The following GAB1 variants were observed in gnomAD, a reference collection of about 807,000 sequenced individuals.
The protein encoded by GAB1 is GRB2 associated binding protein 1, also known as GRB2-associated-binding protein 1.
A neutral mutation model predicts 66.5 loss-of-function variants in GAB1; 19 were observed. The ratio of observed to expected loss-of-function variants is 0.29; its 90% CI spans 0.20 to 0.42. The LOEUF is 0.42. Ranked by LOEUF, GAB1 falls within the 10% of genes least tolerant of loss-of-function variation. GAB1 has a pLI of 1.00. For missense variants in GAB1, 732 were observed against 858.5 expected (o/e 0.85, Z 1.84); for synonymous variants, 294 against 301.4 (o/e 0.98, Z 0.25).
chr4:143,453,668 C>G (rs1342836211), intron 6 of GAB1, among the ~76,000 whole-genome samples: 5 of 152,064 alleles, frequency 3.3e-5, no homozygotes, highest in Non-Finnish European at 5.9e-5. Flanking sequence ...ACAAAAGCAA[C>G]GCAATACAAA....
At chr4:143,424,003 A>G (rs1733193834) in intron 2 of GAB1, among the ~76,000 whole-genome samples, 1 of 151,630 alleles carries the variant, frequency 6.6e-6, no homozygotes, top group Admixed American at 6.6e-5. Flanking sequence ...AGATGGTCCT[A>G]TTGTGTTAAT....
chr4:143,428,116 G>A (rs1733460293), intron 2 of GAB1, among the ~76,000 whole-genome samples: 2 of 152,140 alleles, frequency 1.3e-5, no homozygotes, highest in South Asian at 4.1e-4. Flanking sequence ...ATGGATATTG[G>A]TATAACCTTT....
intron 1 of GAB1, among the ~76,000 whole-genome samples, chr4:143,353,595 T>A (rs1318727091): frequency 1.0e-5 from 1 of 95,810 alleles, no homozygotes. Context: ...CAGCTATTCT[T>A]ATTTTTTTTT....
At chr4:143,373,868 A>AATAAATATATATATATATATATATATAT in intron 1 of GAB1, among the ~76,000 whole-genome samples, 7 of 93,696 alleles carry the variant, frequency 7.5e-5, no homozygotes, top group South Asian at 4.4e-4. Context: ...TAAATAAATA[A>AATAAATATATATATATATATATATATAT]ATATATATAT....
At position 143,384,789 on chromosome 4, in the gene GAB1, G is replaced by A. The variant is rs539553836; in HGVS notation, c.73-30688G>A. ...GGAGGTGATGGCAGTAGCTGGGGCC[G>A]AGTTGGCAGCTAGTAGGGCTGTCTG... On this transcript the variant is annotated intron_variant, in intron 1 of 9. Coordinates refer to ENST00000262994, the MANE Select transcript of GAB1 (RefSeq NM_002039.4). Among the ~76,000 whole-genome samples the A allele has an allele frequency of 3.2e-4, 48 of 152,332 alleles. No individual in the cohort carries two copies. In the South Asian group the frequency reaches 6.0e-3, roughly 19 times the overall value.
intron 1 of GAB1, among the ~76,000 whole-genome samples, chr4:143,364,808 G>A (rs1374804806): frequency 6.6e-6 from 1 of 150,708 alleles, no homozygotes; most frequent in African/African-American, 2.4e-5. Flanking sequence ...AGTTGGCATC[G>A]AGATCTGTGA....
At chr4:143,351,545 C>G (rs553917573) in intron 1 of GAB1, among the ~76,000 whole-genome samples, 39 of 152,250 alleles carry the variant, frequency 2.6e-4, no homozygotes, top group Non-Finnish European at 5.0e-4. Context: ...CCAGGGTGGT[C>G]TTGGAAAGGT....
At chr4:143,468,208 C>CTTTTTTTTTTT (rs780138131) in intron 9 of GAB1, among the ~76,000 whole-genome samples, 2 of 70,064 alleles carry the variant, frequency 2.9e-5, no homozygotes, top group Admixed American at 2.0e-4. Flanking sequence ...AGTTTGAATT[C>CTTTTTTTTTTT]TTTTTTTTTT....
At chr4:143,438,743 G>A in intron 4 of GAB1, 143 bp downstream of exon 4, 1 of 804,894 alleles carries the variant, frequency 1.2e-6, no homozygotes. Flanking sequence ...CTACCTGGAA[G>A]GGTATATTGC....
chr4:143,428,824 G>C (rs1264298984), intron 2 of GAB1, among the ~76,000 whole-genome samples: 1 of 132,130 alleles, frequency 7.6e-6, no homozygotes, highest in Non-Finnish European at 1.6e-5. Context: ...CAGGAAAGGA[G>C]ACATCACTCA....
chr4:143,433,728 A>T lies in GAB1; in HGVS notation c.593+12A>T, dbSNP rs748013108. Reference sequence around the variant, plus strand: ...CCCGAACCCACCAGGTAAATTATATATGCCCATGTGAGAGAGAGACAGAGG... The same window carrying T: ...CCCGAACCCACCAGGTAAATTATATTTGCCCATGTGAGAGAGAGACAGAGG... On this transcript the variant is annotated intron_variant, in intron 3 of 9. Transcript: ENST00000262994. The T allele has an allele frequency of 2.5e-6, 4 of 1,585,724 alleles. No individual in the cohort carries two copies. The highest frequency in any genetic ancestry group is 1.7e-4 in the Middle Eastern group (1 of 6,000).
At chr4:143,425,244 G>A in intron 2 of GAB1, 1 of 947,762 alleles carries the variant, frequency 1.1e-6, no homozygotes, top group Non-Finnish European at 1.7e-6. Context: ...TCATGCCATT[G>A]TTGCCGTTGA....
intron 1 of GAB1, chr4:143,380,843 G>T (rs935644496): frequency 6.6e-6 from 1 of 152,218 alleles, no homozygotes; most frequent in African/African-American, 2.4e-5. Context: ...ATGGTTCTCT[G>T]CAGCAGCGCT....
At chr4:143,439,771 A>G in intron 4 of GAB1, 31 bp from the exon 5 acceptor site, 2 of 1,500,914 alleles carry the variant, frequency 1.3e-6, no homozygotes, top group Non-Finnish European at 1.9e-6. Flanking sequence ...AAAGATGGGA[A>G]TAAATGTTGA....
intron 1 of GAB1, among the ~76,000 whole-genome samples, chr4:143,382,718 A>G (rs1389087034): frequency 6.6e-6 from 1 of 152,146 alleles, no homozygotes; most frequent in Non-Finnish European, 1.5e-5. Flanking sequence ...GGAGGATCAT[A>G]TGACCAATAG....
chr4:143,349,744 C>G, intron 1 of GAB1: 1 of 1,588,530 alleles, frequency 6.3e-7, no homozygotes, highest in East Asian at 2.2e-5. Flanking sequence ...AACACCCAGA[C>G]CGACGTGGCC....
At chr4:143,350,102 C>A in intron 1 of GAB1, 1 of 1,248,050 alleles carries the variant, frequency 8.0e-7, no homozygotes, top group South Asian at 1.3e-5. Flanking sequence ...CCCGCTGCAC[C>A]GGCGTCATCC....
chr4:143,387,778 G>C (rs1190995287), intron 1 of GAB1, among the ~76,000 whole-genome samples: 2 of 152,056 alleles, frequency 1.3e-5, no homozygotes, highest in African/African-American at 4.8e-5. Context: ...AGGAGTCCCT[G>C]TTACCTACTC....
intron 2 of GAB1, among the ~76,000 whole-genome samples, chr4:143,431,658 A>G (rs1392029500): frequency 1.3e-5 from 2 of 152,226 alleles, no homozygotes; most frequent in Non-Finnish European, 2.9e-5. Flanking sequence ...CAAACCAGAA[A>G]GGACTCTGCC....
Sources: gnomAD v4.1 joint callset for allele counts (sites outside exome capture counted in the v4.1 genomes callset) on GRCh38, gnomAD v4.1.1 for gene constraint, MANE v1.5 for transcripts, NCBI Gene and HGNC (gene_info 2026-07-23, HGNC 2026-07-21) for gene names.